Variants in ANKRD11 observed in about 807,000 individuals in gnomAD.
ANKRD11 encodes ankyrin repeat domain-containing protein 11.
A neutral mutation model predicts 195.7 loss-of-function variants in ANKRD11; 17 were observed. The observed-to-expected ratio is 0.09, with a 90% CI of 0.06 to 0.13. The LOEUF (loss-of-function observed/expected upper bound fraction) is 0.13. Among genes scored for constraint, ANKRD11 ranks in the 10% least tolerant of loss-of-function variants. The probability of loss-of-function intolerance (pLI) is 1.00; values close to 1 mark genes in which losing one functional copy is unlikely to be tolerated. For missense variants in ANKRD11, 3,735 were observed against 3,566.1 expected, an observed-to-expected ratio of 1.05 and a Z score of -1.21; for synonymous variants, 1,953 against 1,528.1, an observed-to-expected ratio of 1.28 and a Z score of -6.49.
At chr16:89,304,598 G>A (rs1379525143) in intron 4 of ANKRD11, among the ~76,000 whole-genome samples, 2 of 149,196 alleles carry the variant, frequency 1.3e-5, no homozygotes, top group East Asian at 2.0e-4. Flanking sequence ...ATACACACAC[G>A]GGCACACACA....
rs762590968 is a variant in ANKRD11 at position 89,279,998 on chromosome 16, C to G, written c.6544G>C (p.Val2182Leu). The stretch of plus-strand genomic sequence containing the variant: ...AGTGCCGGCGGCTCCTCAGCCACTA[C>G]GGTGGAAACATCCCCACCGTTTATG... ...GVINGGDVST[V>L]VAEEPPALPP... Residue 2182 changes from valine (V) to leucine (L), a missense_variant, in exon 9 of 13, where the codon GTA becomes CTA. Coordinates refer to ENST00000301030, the MANE Select transcript of ANKRD11 (RefSeq NM_013275.6). The surrounding 1 kb of genome is among the most constrained non-coding windows in gnomAD (Gnocchi z 5.6). 6.2e-7 allele frequency: 1 copy of G among 1,612,118 alleles called. No homozygotes were observed.
chr16:89,430,098 C>T (rs1483842656), intron 1 of ANKRD11, among the ~76,000 whole-genome samples: 3 of 125,030 alleles, frequency 2.4e-5, no homozygotes, highest in Non-Finnish European at 5.1e-5. Context: ...ACAGCAGGGA[C>T]TCTCAACTCT....
intron 1 of ANKRD11, among the ~76,000 whole-genome samples, chr16:89,471,758 C>A (rs1435997134): frequency 1.5e-5 from 2 of 129,782 alleles, no homozygotes; most frequent in South Asian, 4.8e-4. Flanking sequence ...GCACTCCAGC[C>A]TGGGCGACAG....
intron 7 of ANKRD11, chr16:89,286,988 C>A (rs2034693822): frequency 9.3e-6 from 12 of 1,289,772 alleles, no homozygotes; most frequent in Non-Finnish European, 1.2e-5. Context: ...ATTGTTGAAT[C>A]AGTACAGAGT....
chr16:89,271,673 C>T (rs1425677007), intron 11 of ANKRD11: 2 of 152,928 alleles, frequency 1.3e-5, no homozygotes, highest in African/African-American at 4.8e-5. Context: ...GTAAACGGTG[C>T]TGGGAAAACT....
chr16:89,292,974 G>A (rs898753804), intron 4 of ANKRD11, among the ~76,000 whole-genome samples: 3 of 152,290 alleles, frequency 2.0e-5, no homozygotes, highest in East Asian at 1.9e-4. Flanking sequence ...CCTCCCTCTA[G>A]GAAAGAGGCG....
Position 89,279,679 on chromosome 16 carries a change from G to C in ANKRD11, c.6863C>G (p.Ala2288Gly), listed in dbSNP as rs1212910405. The C allele has an allele frequency of 6.8e-7, 1 of 1,480,048 alleles. No homozygotes were observed. The highest frequency in any genetic ancestry group is 1.3e-5 in the South Asian group (1 of 75,576). 91.7% of individuals were successfully genotyped at this position (1,480,048 alleles called of 1,614,324 possible). A position where few individuals can be genotyped will look rare whatever the true frequency, so the allele number is the denominator to read the frequency against. The change falls in exon 9 of 13, where the codon GCC becomes GGC. Residue 2288 changes from alanine to glycine, a missense_variant. Ala to Gly is a moderately conservative substitution (Grantham distance 60). Transcript: ENST00000301030. This position sits in a 1 kb window ranked among gnomAD's most constrained non-coding sequence, Gnocchi z 5.6. The part of the protein sequence containing the change: ...TVAQAQAADG[A>G]GPEDDTEASR... ...GGCCTCAGTGTCGTCCTCGGGGCCGGCACCGTCTGCGGCCTGAGCTTGTGC... is the reference window on the plus strand; with the variant it reads ...GGCCTCAGTGTCGTCCTCGGGGCCGCCACCGTCTGCGGCCTGAGCTTGTGC...
intron 2 of ANKRD11, among the ~76,000 whole-genome samples, chr16:89,325,755 G>A (rs2037676494): frequency 6.6e-6 from 1 of 152,162 alleles, no homozygotes; most frequent in South Asian, 2.1e-4. Flanking sequence ...TCTTTCAGAA[G>A]GTGACAGAGA....
At chr16:89,326,384 C>A (rs1345036074) in intron 2 of ANKRD11, among the ~76,000 whole-genome samples, 3 of 151,966 alleles carry the variant, frequency 2.0e-5, no homozygotes, top group Admixed American at 6.6e-5. Context: ...CACCGCCCCC[C>A]CCACCCCGCT....
chr16:89,326,558 T>C (rs2037734673), intron 2 of ANKRD11, among the ~76,000 whole-genome samples: 1 of 152,062 alleles, frequency 6.6e-6, no homozygotes, highest in Admixed American at 6.5e-5. Context: ...CCGGGCAATG[T>C]AGGGAAACCT....
chr16:89,460,129 T>C (rs934554014), intron 1 of ANKRD11, among the ~76,000 whole-genome samples: 2 of 151,700 alleles, frequency 1.3e-5, no homozygotes, highest in African/African-American at 4.9e-5. Flanking sequence ...TCCCAGCTAC[T>C]CGGGAGGCTG....
chr16:89,313,430 C>T, intron 3 of ANKRD11: 5 of 1,289,128 alleles, frequency 3.9e-6, no homozygotes, highest in Non-Finnish European at 5.1e-6. Context: ...GCAGAAGGGG[C>T]CCTTTCTCTG....
In ANKRD11 at chr16:89,299,504, G is replaced by T. The variant is rs2035684452; in HGVS notation, c.226+5702C>A. The T allele has an allele frequency of 2.1e-5, 4 of 189,592 alleles. No homozygotes were observed. In the South Asian group the frequency reaches 2.3e-4, roughly 11 times the overall value. The allele number at this position is 189,592 out of a possible 1,614,324, so 11.7% of individuals were successfully genotyped here. On this transcript the variant is annotated intron_variant, in intron 4 of 12. Coordinates refer to ENST00000301030, the MANE Select transcript of ANKRD11 (RefSeq NM_013275.6). ...GTGTGGGGTCTGTGCCCTGTGTGGG[G>T]TGCGTGGGGTCTGTGCCCTGTGTGG...
chr16:89,443,835 G>A (rs957281479), intron 1 of ANKRD11, among the ~76,000 whole-genome samples: 7 of 152,346 alleles, frequency 4.6e-5, no homozygotes, highest in African/African-American at 7.2e-5. Context: ...AACAAGGCCC[G>A]TGAGTGCAGA....
intron 1 of ANKRD11, among the ~76,000 whole-genome samples, chr16:89,468,566 G>A (rs185254091): frequency 1.6e-3 from 239 of 152,268 alleles, no homozygotes; most frequent in African/African-American, 5.5e-3. Context: ...TTAGCCGAGC[G>A]CGGTGGCACA....
chr16:89,291,091 C>G lies in ANKRD11; in HGVS notation c.319G>C (p.Ala107Pro). Residue 107 changes from alanine (A) to proline (P), a missense_variant, in exon 5 of 13, where the codon GCC (alanine) becomes CCC (proline). By Grantham distance (27) the Ala-to-Pro change is conservative. Transcript: ENST00000301030. The surrounding 1 kb of genome is among the most constrained non-coding windows in gnomAD (Gnocchi z 5.3). The part of the protein sequence containing the change: ...LFGMGLSGIR[A>P]GYPLSERQQV... ...TGGCGCTCGGAGAGGGGGTAGCCGG[C>G]TCGGATTCCAGACAGCCCCATGCCA... The G allele has an allele frequency of 1.2e-6, 2 of 1,613,822 alleles. No homozygotes were observed. Among genetic ancestry groups the G allele is most frequent in the South Asian group, 2.2e-5 (2 of 91,084 alleles).
intron 9 of ANKRD11, among the ~76,000 whole-genome samples, chr16:89,275,930 G>A (rs1023371031): frequency 2.0e-5 from 3 of 152,240 alleles, no homozygotes; most frequent in Non-Finnish European, 4.4e-5. Flanking sequence ...GTGCAGCAGA[G>A]ACCTCAGGCC....
intron 1 of ANKRD11, chr16:89,459,411 G>A (rs957754854): frequency 6.6e-6 from 1 of 152,190 alleles, no homozygotes; most frequent in African/African-American, 2.4e-5. Context: ...AAGTTTTTCT[G>A]AAGTTGTGAA....
rs150185534 is a variant in ANKRD11 at position 89,286,056 on chromosome 16, C to G, written c.875G>C (p.Ser292Thr). ...TGACTTACCCGTCGAGCTCTCCTCG[C>G]TGGAAGTGTAAGTGCCTTTGCCTAA... ...LLLGKGTYTS[S>T]EESSTESSEE... The change falls in exon 8 of 13, where the codon AGC (serine) becomes ACC (threonine). Residue 292 changes from serine (S) to threonine (T), a missense_variant. Ser to Thr is a moderately conservative substitution (Grantham distance 58). Transcript: ENST00000301030. The G allele has an allele frequency of 1.2e-6, 2 of 1,614,114 alleles. No individual in the cohort carries two copies. The highest frequency in any genetic ancestry group is 2.7e-5 in the African/African-American group (2 of 74,950).
Sources: allele counts gnomAD v4.1 joint callset (sites outside exome capture counted in the v4.1 genomes callset), GRCh38; gene constraint gnomAD v4.1.1; non-coding constraint Gnocchi (gnomAD v3.1); transcripts MANE v1.5; gene names NCBI Gene and HGNC (gene_info 2026-07-23, HGNC 2026-07-21).